The following CASQ2 variants were observed in gnomAD, a reference collection of about 807,000 sequenced individuals.
CASQ2 encodes the protein calsequestrin 2.
CASQ2 carries 49 observed loss-of-function variants against 46.5 expected under a neutral mutation model. The observed-to-expected ratio is 1.05, with a 90% confidence interval of 0.84 to 1.34. The LOEUF (loss-of-function observed/expected upper bound fraction) is 1.34. Ranked by LOEUF, CASQ2 falls within the 40% of genes most tolerant of loss-of-function variation. CASQ2 has a pLI of 0.00. For missense variants in CASQ2, 486 were observed against 481.3 expected, an observed-to-expected ratio of 1.01 and a Z score of -0.09; for synonymous variants, 174 against 168.5, an observed-to-expected ratio of 1.03 and a Z score of -0.25.
intron 3 of CASQ2, 108 bp from the exon 4 acceptor site, chr1:115,738,443 C>T (rs1387023500): frequency 3.8e-6 from 3 of 780,800 alleles, no homozygotes; most frequent in Non-Finnish European, 6.9e-6. Flanking sequence ...GTGGTTGGTG[C>T]CTCAAATATC....
chr1:115,733,467 T>C (rs1036877528), intron 4 of CASQ2, among the ~76,000 whole-genome samples: 13 of 152,218 alleles, frequency 8.5e-5, no homozygotes, highest in Non-Finnish European at 1.6e-4. Context: ...GAAGTACTCC[T>C]GTTGCTGAAT....
intron 4 of CASQ2, among the ~76,000 whole-genome samples, chr1:115,736,174 A>AAAC (rs1553194908): frequency 3.9e-4 from 60 of 151,996 alleles, no homozygotes; most frequent in African/African-American, 1.4e-3. Flanking sequence ...GAAAAAAAAA[A>AAAC]AAAAAAATAG....
chr1:115,707,692 G>A (rs1654406280), intron 8 of CASQ2, among the ~76,000 whole-genome samples: 1 of 152,182 alleles, frequency 6.6e-6, no homozygotes, highest in South Asian at 2.1e-4. Flanking sequence ...ACCACAAGGA[G>A]GAATTCCTCC....
At chr1:115,757,785 C>A (rs1648813237) in intron 1 of CASQ2, among the ~76,000 whole-genome samples, 1 of 152,164 alleles carries the variant, frequency 6.6e-6, no homozygotes, top group Non-Finnish European at 1.5e-5. Flanking sequence ...CTGAATCTGG[C>A]AGATTCAACC....
intron 1 of CASQ2, among the ~76,000 whole-genome samples, chr1:115,753,213 G>A (rs1648641770): frequency 6.6e-6 from 1 of 152,172 alleles, no homozygotes; most frequent in African/African-American, 2.4e-5. Context: ...AGAGGTCAAG[G>A]CTTGAGGACA....
intron 7 of CASQ2, among the ~76,000 whole-genome samples, chr1:115,724,559 C>T (rs1647506306): frequency 6.6e-6 from 1 of 152,186 alleles, no homozygotes; most frequent in Admixed American, 6.5e-5. Flanking sequence ...TGCTCCACAG[C>T]CTTTGTTATT....
intron 1 of CASQ2, among the ~76,000 whole-genome samples, chr1:115,762,325 T>G (rs57610221): frequency 0.38 from 58,337 of 152,096 alleles, 12,693 homozygotes; most frequent in Non-Finnish European, 0.5. Flanking sequence ...CAAAGATTAT[T>G]GAGTGTCTGT....
At chr1:115,708,715 C>T (rs1452029974) in intron 8 of CASQ2, among the ~76,000 whole-genome samples, 1 of 152,220 alleles carries the variant, frequency 6.6e-6, no homozygotes, top group Admixed American at 6.5e-5. Context: ...TATTCAAAGG[C>T]AAGGAAGCTG....
chr1:115,709,989 C>T (rs1175142434), intron 8 of CASQ2, among the ~76,000 whole-genome samples: 1 of 152,048 alleles, frequency 6.6e-6, no homozygotes, highest in Non-Finnish European at 1.5e-5. Context: ...ACCAGAGGCA[C>T]ACACCACCAT....
chr1:115,759,864 G>A (rs192937866), intron 1 of CASQ2, among the ~76,000 whole-genome samples: 94 of 152,250 alleles, frequency 6.2e-4, no homozygotes, highest in Admixed American at 5.9e-3. Context: ...CCAAATAGAC[G>A]CATGTCTTCT....
intron 1 of CASQ2, among the ~76,000 whole-genome samples, chr1:115,754,051 C>G (rs56808957): frequency 0.029 from 4,459 of 152,270 alleles, 210 homozygotes; most frequent in African/African-American, 0.1. Context: ...CTCATGCCAT[C>G]TGGCAACATG....
At position 115,719,653 on chromosome 1, in the gene CASQ2, G is replaced by A. The variant is rs567868423; in HGVS notation, c.784-1759C>T. On this transcript the variant is annotated intron_variant, in intron 7 of 10. Transcript: ENST00000261448. ...CACATCCACAAGGAAGCAGGCCAGC[G>A]CTAGGTGCCAGGCATTTTCAAGTAA... 5.3e-5 allele frequency among the ~76,000 whole-genome samples: 8 copies of A among 152,128 alleles called. No homozygotes were observed. The South Asian group carries it at 8.3e-4, about 16-fold the overall frequency.
At chr1:115,722,044 T>A (rs1647394885) in intron 7 of CASQ2, among the ~76,000 whole-genome samples, 1 of 152,162 alleles carries the variant, frequency 6.6e-6, no homozygotes, top group Admixed American at 6.5e-5. Flanking sequence ...TTGGATGGAC[T>A]GATTTCTGTT....
intron 4 of CASQ2, among the ~76,000 whole-genome samples, chr1:115,734,125 TA>T (rs1647878346): frequency 6.6e-6 from 1 of 152,186 alleles, no homozygotes; most frequent in African/African-American, 2.4e-5. Context: ...CTTGTCCTCA[TA>T]AAAGTAAGCA....
intron 9 of CASQ2, among the ~76,000 whole-genome samples, chr1:115,704,057 G>A (rs11578766): frequency 0.2 from 29,673 of 152,134 alleles, 2,995 homozygotes; most frequent in South Asian, 0.27. Context: ...ATATGGCCAT[G>A]ACTTTGTTAT....
chr1:115,719,671 T>C (rs988045298), intron 7 of CASQ2, among the ~76,000 whole-genome samples: 3 of 152,104 alleles, frequency 2.0e-5, no homozygotes, highest in Admixed American at 2.0e-4. Context: ...CCAGGCATTT[T>C]CAAGTAATAA....
At chr1:115,733,839 A>G (rs952810787) in intron 4 of CASQ2, among the ~76,000 whole-genome samples, 1 of 152,218 alleles carries the variant, frequency 6.6e-6, no homozygotes, top group African/African-American at 2.4e-5. Flanking sequence ...AACCGTGTGA[A>G]GTATAAGCCT....
chr1:115,736,330 C>G lies in CASQ2; in HGVS notation c.532+1894G>C, dbSNP rs187450642. The stretch of plus-strand genomic sequence containing the variant: ...TCATGTTGCTATTTTAAGCATAAAA[C>G]CTAATATCAAAAAGCTATATCCTGG... On this transcript the variant is annotated intron_variant, in intron 4 of 10. Transcript: ENST00000261448. 1.2e-3 allele frequency among the ~76,000 whole-genome samples: 175 copies of G among 151,902 alleles called. 1 individual carries two copies. Among genetic ancestry groups the G allele is most frequent in the Admixed American group, 0.011 (169 of 15,238 alleles).
chr1:115,724,102 C>A (rs765721373), intron 7 of CASQ2, among the ~76,000 whole-genome samples: 4 of 152,170 alleles, frequency 2.6e-5, no homozygotes, highest in African/African-American at 9.7e-5. Flanking sequence ...CTCCTCCTTC[C>A]CAGCCCTCAC....
Sources: gnomAD v4.1 joint callset for allele counts (sites outside exome capture counted in the v4.1 genomes callset) on GRCh38, gnomAD v4.1.1 for gene constraint, MANE v1.5 for transcripts, NCBI Gene and HGNC (gene_info 2026-07-23, HGNC 2026-07-21) for gene names.